CC2D2B: variants seen among roughly 807,000 people sequenced by gnomAD.
CC2D2B encodes the protein coiled-coil and C2 domain containing 2B.
CC2D2B carries 128 observed loss-of-function variants against 161.2 expected under a neutral mutation model. The observed-to-expected ratio is 0.79, with a 90% CI of 0.69 to 0.92. CC2D2B has a LOEUF of 0.92. Among genes scored for constraint, CC2D2B ranks in the 40% least tolerant of loss-of-function variants. CC2D2B has a pLI of 0.00. For synonymous variants in CC2D2B, 391 were observed against 449.8 expected, an observed-to-expected ratio of 0.87 and a Z score of 1.65; for missense variants, 1,173 against 1,375.1, an observed-to-expected ratio of 0.85 and a Z score of 2.32.
At chr10:95,986,400 T>G (rs1310974137) in intron 19 of CC2D2B, among the ~76,000 whole-genome samples, 2 of 13,766 alleles carry the variant, frequency 1.5e-4, no homozygotes, top group African/African-American at 5.4e-4. Context: ...GAATGAAGGA[T>G]GCATTAACTG....
chr10:95,937,141 CTTAT>C (rs946507659), intron 6 of CC2D2B, among the ~76,000 whole-genome samples: 15 of 152,064 alleles, frequency 9.9e-5, no homozygotes, highest in Non-Finnish European at 1.9e-4. Context: ...AATGACATTA[CTTAT>C]TTAACTTTGT....
In CC2D2B at chr10:95,966,320, ATTAT is replaced by A. The variant is rs558438807; in HGVS notation, c.1466+28_1466+31del. 4.3e-5 allele frequency: 38 copies of A among 894,098 alleles called. No homozygotes were observed. The South Asian group carries it at 1.9e-3, about 44-fold the overall frequency. 55.4% of individuals were successfully genotyped at this position (894,098 alleles called of 1,614,324 possible). On this transcript the variant is annotated intron_variant, in intron 14 of 34. Transcript: ENST00000646931. ...TGTTCCTTGTAAGCATGTTTAAATAATTATTTATTTATTATATATTGTCTATTAA... is the reference window on the plus strand; with the variant it reads ...TGTTCCTTGTAAGCATGTTTAAATAATTATTTATTATATATTGTCTATTAA...
In CC2D2B at chr10:95,961,921, G is replaced by A. The variant is rs973815110; in HGVS notation, c.1202G>A (p.Arg401Gln). The change falls in exon 12 of 35, where the codon CGA (arginine) becomes CAA (glutamine). Residue 401 changes from arginine (R) to glutamine (Q), a missense_variant. Arg to Gln is a conservative substitution (Grantham distance 43). Coordinates refer to ENST00000646931, the MANE Select transcript of CC2D2B (RefSeq NM_001349008.3). ...LRTWKQIKSL[R>Q]HGQGFTSTPI... is the part of the protein sequence containing the mutation. The stretch of plus-strand genomic sequence containing the variant: ...ACTTGGAAACAGATTAAATCTCTTC[G>A]ACATGGGCAAGGGTTTACAAGCACC... 1.6e-5 allele frequency: 20 copies of A among 1,231,368 alleles called. No homozygotes were observed. In the South Asian group the frequency reaches 2.5e-4, roughly 15 times the overall value. The allele number at this position is 1,231,368 out of a possible 1,614,324, so 76.3% of individuals were successfully genotyped here.
intron 6 of CC2D2B, among the ~76,000 whole-genome samples, chr10:95,931,583 C>T (rs1176032978): frequency 2.6e-5 from 4 of 152,104 alleles, no homozygotes; most frequent in Non-Finnish European, 5.9e-5. Flanking sequence ...TACATTGTGT[C>T]TTTGTTTTCT....
intron 10 of CC2D2B, among the ~76,000 whole-genome samples, chr10:95,951,603 A>G (rs2076402024): frequency 6.6e-6 from 1 of 152,218 alleles, no homozygotes; most frequent in Non-Finnish European, 1.5e-5. Flanking sequence ...TGAATGAAGG[A>G]AACAACTCAG....
At position 95,938,619 on chromosome 10, in the gene CC2D2B, G is replaced by T. The variant is rs776365264; in HGVS notation, c.586G>T (p.Asp196Tyr). ...AGATATGATGCCACGTATTCTAGAA[G>T]ATGAAGGATTCTATATTCAGAGAAA... ...PKDMMPRILE[D>Y]EGFYIQRKPE... Residue 196 changes from aspartate to tyrosine, a missense_variant, in exon 8 of 35, where the codon GAT becomes TAT. By Grantham distance (160) the Asp-to-Tyr change is radical (BLOSUM62 -3). Around this residue, in one of 3 missense-constraint regions of CC2D2B, gnomAD observed 298 missense variants for 261.2 expected, o/e 1.14. Transcript: ENST00000646931. 1 of 712,358 alleles carries T rather than the reference G, an allele frequency of 1.4e-6. No individual in the cohort carries two copies. The highest frequency in any genetic ancestry group is 2.7e-5 in the East Asian group (1 of 37,230). 44.1% of individuals were successfully genotyped at this position (712,358 alleles called of 1,614,324 possible).
chr10:95,991,862 G>A (rs1161069118), intron 21 of CC2D2B, among the ~76,000 whole-genome samples: 1 of 152,212 alleles, frequency 6.6e-6, no homozygotes. Flanking sequence ...ATCCTCAGCT[G>A]TACAAAGGTA....
In CC2D2B at chr10:95,915,392, C is replaced by T. The variant is rs945651140; in HGVS notation, c.36+4033C>T. 5.3e-5 allele frequency among the ~76,000 whole-genome samples: 8 copies of T among 152,222 alleles called. No homozygotes were observed. In the East Asian group the frequency reaches 1.4e-3, roughly 26 times the overall value. On this transcript the variant is annotated intron_variant, in intron 2 of 34. Transcript: ENST00000646931. ...GAGTTCTTTCTTTCCAATTTGGATG[C>T]CCTTTATTTCTTTCGTCTGATTGCT...
chr10:95,938,642 A>G lies in CC2D2B; in HGVS notation c.609A>G (p.Arg203=). The stretch of plus-strand genomic sequence containing the variant: ...AAGATGAAGGATTCTATATTCAGAG[A>G]AAGCCAGAAATATACAAAAAGACCT... The part of the protein sequence containing the change: ...ILEDEGFYIQ[R]KPEIYKKTCN... The change falls in exon 8 of 35, where the codon AGA becomes AGG. Residue 203 remains arginine (R), a synonymous_variant. Coordinates refer to ENST00000646931, the MANE Select transcript of CC2D2B (RefSeq NM_001349008.3). 1 of 714,588 alleles carries G rather than the reference A, an allele frequency of 1.4e-6. No homozygotes were observed. Among genetic ancestry groups the G allele is most frequent in the South Asian group, 1.5e-5 (1 of 66,720 alleles). 44.3% of individuals were successfully genotyped at this position (714,588 alleles called of 1,614,324 possible). A position where few individuals can be genotyped will look rare whatever the true frequency, so the allele number is the denominator to read the frequency against.
chr10:95,968,576 C>G (rs2077020261), intron 14 of CC2D2B, 148 bp from the exon 15 acceptor site: 2 of 389,352 alleles, frequency 5.1e-6, no homozygotes, highest in African/African-American at 4.1e-5. Flanking sequence ...CTTTTATCCA[C>G]ATGTAGACAA....
At chr10:95,965,824 G>GTTT in intron 12 of CC2D2B, 72 bp from the exon 13 acceptor site, 3 of 322,850 alleles carry the variant, frequency 9.3e-6, no homozygotes, top group African/African-American at 2.6e-5. Context: ...TGTGTGTGTT[G>GTTT]GCAAAATCTC....
chr10:95,921,855 G>C (rs1024251066), intron 2 of CC2D2B, 161 bp from the exon 3 acceptor site: 9 of 415,718 alleles, frequency 2.2e-5, no homozygotes, highest in African/African-American at 1.5e-4. Flanking sequence ...TAAATGACGA[G>C]TTGATGGGTG....
intron 10 of CC2D2B, among the ~76,000 whole-genome samples, chr10:95,954,131 G>C (rs2076495954): frequency 6.6e-6 from 1 of 152,124 alleles, no homozygotes; most frequent in Non-Finnish European, 1.5e-5. Flanking sequence ...AATAGTGTCT[G>C]ACAGACCAAA....
At position 95,955,486 on chromosome 10, in the gene CC2D2B, A is replaced by C. The variant is rs1361949213; in HGVS notation, c.1104A>C (p.Gln368His). The C allele has an allele frequency of 2.5e-6, 1 of 398,240 alleles. No homozygotes were observed. The highest frequency in any genetic ancestry group is 2.1e-5 in the African/African-American group (1 of 48,594). The allele number at this position is 398,240 out of a possible 1,614,324, so 24.7% of individuals were successfully genotyped here. A position where few individuals can be genotyped will look rare whatever the true frequency, so the allele number is the denominator to read the frequency against. ...AATCTTTACAAGATTATTATTGGCA[A>C]ATAAGGTAGGTTTTGAGCCATTCAT... ...TRKSLQDYYW[Q>H]ISNTKQMYDL... Residue 368 changes from glutamine (Q) to histidine (H), a missense_variant, in exon 11 of 35, where the codon CAA (glutamine) becomes CAC (histidine). Gln to His is a conservative substitution (Grantham distance 24). Transcript: ENST00000646931.
intron 17 of CC2D2B, among the ~76,000 whole-genome samples, chr10:95,976,689 TCAAA>T (rs1427874358): frequency 6.6e-6 from 1 of 152,220 alleles, no homozygotes; most frequent in Admixed American, 6.5e-5. Flanking sequence ...TACTCATTCA[TCAAA>T]CACTGACTGA....
chr10:95,986,615 G>C (rs934639188), intron 19 of CC2D2B, among the ~76,000 whole-genome samples: 4 of 152,028 alleles, frequency 2.6e-5, no homozygotes, highest in African/African-American at 9.7e-5. Context: ...GTTTTTCTTT[G>C]AGATGGAGTC....
chr10:95,970,671 A>G (rs1173216907), intron 15 of CC2D2B, among the ~76,000 whole-genome samples: 3 of 152,172 alleles, frequency 2.0e-5, no homozygotes, highest in African/African-American at 7.2e-5. Context: ...AATCCATCCT[A>G]CATACCCTAA....
At chr10:96,024,466 T>C (rs1242445659) in intron 32 of CC2D2B, among the ~76,000 whole-genome samples, 1 of 152,220 alleles carries the variant, frequency 6.6e-6, no homozygotes, top group Non-Finnish European at 1.5e-5. Flanking sequence ...CAGTAGGCAC[T>C]ATTATTATCC....
At chr10:95,978,858 G>GT (rs1466923337) in intron 17 of CC2D2B, among the ~76,000 whole-genome samples, 2 of 152,026 alleles carry the variant, frequency 1.3e-5, no homozygotes, top group African/African-American at 4.8e-5. Flanking sequence ...CTGCTGCCAA[G>GT]TTTTCTGTTT....
Sources: allele counts gnomAD v4.1 joint callset (sites outside exome capture counted in the v4.1 genomes callset), GRCh38; gene constraint gnomAD v4.1.1; regional missense constraint gnomAD v4.1.1; transcripts MANE v1.5; gene names NCBI Gene and HGNC (gene_info 2026-07-23, HGNC 2026-07-21).